DNAH3: variants seen among roughly 807,000 people sequenced by gnomAD.
DNAH3 encodes the protein axonemal beta dynein heavy chain 3.
A neutral mutation model predicts 432.5 loss-of-function variants in DNAH3; 332 were observed. The ratio of observed to expected loss-of-function variants is 0.77; its 90% CI spans 0.70 to 0.84. The LOEUF is 0.84. DNAH3 is among the 40% of genes least tolerant of loss of function. The pLI is 0.00. For synonymous variants in DNAH3, 1,956 were observed against 1,900.2 expected, an observed-to-expected ratio of 1.03 and a Z score of -0.76; for missense variants, 4,861 against 5,114.0, an observed-to-expected ratio of 0.95 and a Z score of 1.51.
intron 47 of DNAH3, 107 bp downstream of exon 47, chr16:20,987,198 T>C (rs2152672744): frequency 1.5e-6 from 2 of 1,352,356 alleles, no homozygotes; most frequent in Non-Finnish European, 2.1e-6. Context: ...AGATTCAGAG[T>C]GCAGAGCTGG....
intron 18 of DNAH3, among the ~76,000 whole-genome samples, chr16:21,096,515 A>T (rs1388258889): frequency 6.6e-6 from 1 of 152,168 alleles, no homozygotes; most frequent in Non-Finnish European, 1.5e-5. Flanking sequence ...CTACACATCA[A>T]TTATTCCCCA....
intron 59 of DNAH3, among the ~76,000 whole-genome samples, 153 bp downstream of exon 59, chr16:20,941,247 TG>T (rs1236376152): frequency 6.6e-6 from 1 of 152,238 alleles, no homozygotes; most frequent in Admixed American, 6.5e-5. Context: ...CAGCATGTGC[TG>T]GGGATGGTCC....
chr16:21,146,157 G>T, intron 1 of DNAH3, 69 bp from the exon 3 acceptor site: 1 of 1,007,716 alleles, frequency 9.9e-7, no homozygotes, highest in Non-Finnish European at 1.6e-6. Context: ...GAGTTGGTTA[G>T]GACTAAAGAG....
At chr16:21,069,570 T>G in exon 23 of DNAH3, 2 of 1,610,056 alleles carry the variant, frequency 1.2e-6, no homozygotes, top group South Asian at 1.1e-5. Context: ...TTGTCTTGTA[T>G]GCGAATTAGC....
chr16:21,155,400 G>A (rs1483507822), intron 1 of DNAH3, among the ~76,000 whole-genome samples: 1 of 151,946 alleles, frequency 6.6e-6, no homozygotes, highest in Admixed American at 6.6e-5. Context: ...GAGGCAGGCG[G>A]ATCACAAAGT....
intron 18 of DNAH3, among the ~76,000 whole-genome samples, chr16:21,095,075 T>C (rs1484790758): frequency 6.6e-6 from 1 of 152,132 alleles, no homozygotes; most frequent in Non-Finnish European, 1.5e-5. Flanking sequence ...AATACACTGA[T>C]GAAGAGGTGG....
chr16:21,112,554 T>C (rs1252512857), intron 12 of DNAH3, among the ~76,000 whole-genome samples: 2 of 152,142 alleles, frequency 1.3e-5, no homozygotes, highest in East Asian at 1.9e-4. Flanking sequence ...ATTAGACTTA[T>C]TCACTATCAT....
In DNAH3 at chr16:21,127,868, C is replaced by T. The variant is rs149473470; in HGVS notation, c.1083-56G>A. 1,501 of 1,604,152 alleles carry T rather than the reference C, an allele frequency of 9.4e-4. 2 individuals are homozygous for T. The highest frequency in any genetic ancestry group is 1.2e-3 in the Non-Finnish European group (1,414 of 1,172,928). On this transcript the variant is annotated intron_variant, in intron 7 of 61. Transcript: ENST00000261383. ...CTAAAGAACGCTTAATAACAAATCC[C>T]GCAGGACAGGTTCCAAGGGTGTGTG...
intron 21 of DNAH3, among the ~76,000 whole-genome samples, chr16:21,074,299 G>A (rs1240298599): frequency 6.6e-6 from 1 of 152,144 alleles, no homozygotes; most frequent in South Asian, 2.1e-4. Flanking sequence ...AAAACCAGGG[G>A]TGCCTGAAAA....
At chr16:21,021,933 AC>A (rs139095918) in intron 40 of DNAH3, 37 bp downstream of exon 40, 6 of 1,608,944 alleles carry the variant, frequency 3.7e-6, no homozygotes, top group African/African-American at 1.3e-5. Context: ...AGGTAGACCC[AC>A]CCCCCATGTG....
exon 53 of DNAH3, chr16:20,965,312 G>T (rs375474549): frequency 6.2e-7 from 1 of 1,612,334 alleles, no homozygotes; most frequent in African/African-American, 1.3e-5. Context: ...TCCCGGATCC[G>T]CTTCATGGTC....
intron 36 of DNAH3, among the ~76,000 whole-genome samples, 173 bp downstream of exon 36, chr16:21,033,801 C>T (rs1485437253): frequency 1.3e-5 from 2 of 152,074 alleles, no homozygotes; most frequent in African/African-American, 2.4e-5. Context: ...AGAAGCACCC[C>T]GCCCCCAACC....
chr16:21,118,078 C>T (rs978011365), intron 11 of DNAH3, among the ~76,000 whole-genome samples: 6 of 152,054 alleles, frequency 3.9e-5, no homozygotes, highest in Non-Finnish European at 8.8e-5. Context: ...ACCTCTGCCT[C>T]CTGGGCTCAA....
At chr16:21,080,261 C>T (rs1314935285) in intron 20 of DNAH3, among the ~76,000 whole-genome samples, 1 of 152,198 alleles carries the variant, frequency 6.6e-6, no homozygotes, top group Non-Finnish European at 1.5e-5. Context: ...TGTGCCATTG[C>T]ACTCTGGCCT....
chr16:21,145,097 G>A, intron 3 of DNAH3, 84 bp downstream of exon 4: 2 of 1,221,832 alleles, frequency 1.6e-6, no homozygotes, highest in East Asian at 2.6e-5. Context: ...GGGCGACAGA[G>A]TGAGACTCCA....
At chr16:20,987,238 CT>C in intron 47 of DNAH3, 66 bp downstream of exon 47, 4 of 1,583,666 alleles carry the variant, frequency 2.5e-6, no homozygotes, top group Non-Finnish European at 3.4e-6. Context: ...AACCTGAAAT[CT>C]GAAAGTAACG....
At chr16:21,039,276 T>G (rs1368294863) in intron 33 of DNAH3, among the ~76,000 whole-genome samples, 1 of 144,000 alleles carries the variant, frequency 6.9e-6, no homozygotes, top group Non-Finnish European at 1.5e-5. Flanking sequence ...TGGAGTGCAG[T>G]GGTGAAATCT....
exon 3 of DNAH3, chr16:21,145,280 T>G: frequency 6.2e-7 from 1 of 1,614,124 alleles, no homozygotes; most frequent in Non-Finnish European, 8.5e-7. Flanking sequence ...TCCTGGGCCA[T>G]CAAGGAGTAG....
rs555983378 is a variant in DNAH3, at chr16:20,966,014, A to ATT, written c.8459-591_8459-590dup. On this transcript the variant is annotated intron_variant, in intron 52 of 61. Transcript: ENST00000261383. ...AGGCCTGAGCCACCATGCCCAGCCA[A>ATT]TTTTTTTTTTTTTTTTTTTTTTTTT... 1.2e-3 allele frequency among the ~76,000 whole-genome samples: 59 copies of ATT among 48,386 alleles called. 7 individuals carry two copies. The highest frequency in any genetic ancestry group is 1.6e-3 in the African/African-American group (19 of 12,156). The allele number at this position is 48,386 out of a possible 152,430, so 31.7% of individuals were successfully genotyped here. A position where few individuals can be genotyped will look rare whatever the true frequency, so the allele number is the denominator to read the frequency against.
Sources: allele counts gnomAD v4.1 joint callset (sites outside exome capture counted in the v4.1 genomes callset), GRCh38; gene constraint gnomAD v4.1.1; transcripts MANE v1.5; gene names NCBI Gene and HGNC (gene_info 2026-07-23, HGNC 2026-07-21).